FIP1L1: variants seen among roughly 807,000 people sequenced by gnomAD.
FIP1L1 encodes pre-mRNA 3'-end-processing factor FIP1.
A neutral mutation model predicts 84.6 loss-of-function variants in FIP1L1; 21 were observed. The observed-to-expected ratio is 0.25, with a 90% CI of 0.18 to 0.36. The LOEUF (loss-of-function observed/expected upper bound fraction) is 0.36. Ranked by LOEUF, FIP1L1 falls within the 10% of genes least tolerant of loss-of-function variation. The pLI is 1.00. For missense variants in FIP1L1, 526 were observed against 751.1 expected, an observed-to-expected ratio of 0.70 and a Z score of 3.50; for synonymous variants, 263 against 242.3, an observed-to-expected ratio of 1.09 and a Z score of -0.80.
chr4:53,453,811 G>C (rs1717426249), intron 16 of FIP1L1, among the ~76,000 whole-genome samples: 2 of 152,004 alleles, frequency 1.3e-5, no homozygotes, highest in South Asian at 4.1e-4. Flanking sequence ...GTGTTGCCCA[G>C]GCTCACTCTC....
intron 4 of FIP1L1, 64 bp downstream of exon 4, chr4:53,382,399 A>G (rs1738573130): frequency 7.4e-7 from 1 of 1,349,476 alleles, no homozygotes; most frequent in Non-Finnish European, 1.1e-6. Context: ...CACAGTTTAC[A>G]TAGAAAGCAA....
intron 9 of FIP1L1, among the ~76,000 whole-genome samples, chr4:53,391,926 G>A (rs955028868): frequency 5.9e-5 from 9 of 152,132 alleles, no homozygotes; most frequent in African/African-American, 1.9e-4. Flanking sequence ...GATATCATTG[G>A]TGTAATGCCC....
At chr4:53,446,878 A>T (rs1209835004) in intron 15 of FIP1L1, among the ~76,000 whole-genome samples, 1 of 152,058 alleles carries the variant, frequency 6.6e-6, no homozygotes, top group African/African-American at 2.4e-5. Flanking sequence ...ACATTTTTAT[A>T]AAAAAGTGAG....
chr4:53,427,750 T>A (rs1235842744), intron 12 of FIP1L1, among the ~76,000 whole-genome samples: 1 of 152,232 alleles, frequency 6.6e-6, no homozygotes, highest in Non-Finnish European at 1.5e-5. Context: ...GTGTTTGTAT[T>A]AATTACTTTT....
At chr4:53,408,579 C>A (rs1260780304) in intron 10 of FIP1L1, among the ~76,000 whole-genome samples, 2 of 152,164 alleles carry the variant, frequency 1.3e-5, no homozygotes, top group Admixed American at 6.5e-5. Flanking sequence ...GGATAATATC[C>A]TGCAGAGTAT....
intron 10 of FIP1L1, among the ~76,000 whole-genome samples, chr4:53,406,258 A>G (rs1753386852): frequency 1.3e-5 from 2 of 152,276 alleles, no homozygotes; most frequent in South Asian, 2.1e-4. Context: ...TTCTGCATCT[A>G]TTGAGATAAT....
intron 11 of FIP1L1, among the ~76,000 whole-genome samples, chr4:53,421,813 A>C (rs903062926): frequency 3.9e-5 from 6 of 152,184 alleles, no homozygotes; most frequent in African/African-American, 1.4e-4. Flanking sequence ...TTTGCTATAA[A>C]CTCTGGACTT....
At chr4:53,428,267 C>A in intron 13 of FIP1L1, 84 bp downstream of exon 13, 2 of 1,308,422 alleles carry the variant, frequency 1.5e-6, no homozygotes, top group Non-Finnish European at 2.1e-6. Context: ...AAAATAATAT[C>A]TTGATCACAT....
chr4:53,408,053 A>G (rs1456922025), intron 10 of FIP1L1, among the ~76,000 whole-genome samples: 1 of 152,058 alleles, frequency 6.6e-6, no homozygotes, highest in Non-Finnish European at 1.5e-5. Flanking sequence ...TTAGCTGGTT[A>G]TTTTGCTCGT....
intron 13 of FIP1L1, among the ~76,000 whole-genome samples, chr4:53,428,485 A>G (rs1401068402): frequency 6.6e-5 from 10 of 152,214 alleles, no homozygotes; most frequent in Non-Finnish European, 1.2e-4. Flanking sequence ...CTCAGTTACA[A>G]ACTTTACCAG....
intron 15 of FIP1L1, among the ~76,000 whole-genome samples, chr4:53,450,640 T>C (rs534715570): frequency 2.0e-5 from 3 of 152,302 alleles, no homozygotes; most frequent in Admixed American, 6.5e-5. Flanking sequence ...AGCACTGTTC[T>C]GTAGCCTGGG....
chr4:53,410,342 G>C (rs955319807), intron 10 of FIP1L1, among the ~76,000 whole-genome samples: 10 of 152,260 alleles, frequency 6.6e-5, no homozygotes, highest in Non-Finnish European at 7.4e-5. Context: ...TGAGTTCTTC[G>C]ACAGCTTCTC....
At chr4:53,394,364 T>C (rs1185346012) in intron 9 of FIP1L1, among the ~76,000 whole-genome samples, 2 of 152,216 alleles carry the variant, frequency 1.3e-5, no homozygotes, top group African/African-American at 4.8e-5. Flanking sequence ...GCTCTGTACA[T>C]CTGAATAGAA....
At chr4:53,400,107 C>G (rs1749461554) in intron 10 of FIP1L1, among the ~76,000 whole-genome samples, 1 of 152,152 alleles carries the variant, frequency 6.6e-6, no homozygotes, top group Non-Finnish European at 1.5e-5. Flanking sequence ...AATAAAGAGA[C>G]AGTCTTACAT....
chr4:53,387,742 G>A (rs553815259), intron 5 of FIP1L1, among the ~76,000 whole-genome samples: 1 of 152,264 alleles, frequency 6.6e-6, no homozygotes, highest in African/African-American at 2.4e-5. Flanking sequence ...TATTCTATAC[G>A]GTCCTGTAAG....
At chr4:53,398,883 G>A (rs1748799100) in intron 9 of FIP1L1, among the ~76,000 whole-genome samples, 1 of 152,180 alleles carries the variant, frequency 6.6e-6, no homozygotes, top group Non-Finnish European at 1.5e-5. Flanking sequence ...TGGGCCTGGT[G>A]GCTCACACCT....
chr4:53,436,481 G>A (rs1769247261), intron 13 of FIP1L1, among the ~76,000 whole-genome samples: 1 of 152,108 alleles, frequency 6.6e-6, no homozygotes, highest in Non-Finnish European at 1.5e-5. Context: ...CAACAGAGAG[G>A]GTGCCAGTGA....
intron 5 of FIP1L1, among the ~76,000 whole-genome samples, chr4:53,386,052 T>G (rs1339058412): frequency 2.6e-5 from 4 of 151,870 alleles, no homozygotes; most frequent in South Asian, 4.1e-4. Context: ...TTTTTTTTTT[T>G]TGCGTAACAT....
intron 13 of FIP1L1, chr4:53,440,859 A>G (rs1247392948): frequency 2.3e-6 from 1 of 432,350 alleles, no homozygotes; most frequent in Non-Finnish European, 4.2e-6. Context: ...ATTTGTGAAG[A>G]AAACAGTATA....
Sources: gnomAD v4.1 joint callset for allele counts (sites outside exome capture counted in the v4.1 genomes callset) on GRCh38, gnomAD v4.1.1 for gene constraint, MANE v1.5 for transcripts, NCBI Gene and HGNC (gene_info 2026-07-23, HGNC 2026-07-21) for gene names.